The following INPP5B variants were observed in gnomAD, a reference collection of about 807,000 sequenced individuals.
INPP5B encodes the protein type II inositol 1,4,5-trisphosphate 5-phosphatase.
INPP5B carries 90 observed loss-of-function variants against 118.5 expected under a neutral mutation model. The ratio of observed to expected loss-of-function variants is 0.76; its 90% confidence interval spans 0.64 to 0.90. The LOEUF (loss-of-function observed/expected upper bound fraction) is 0.90. Ranked by LOEUF, INPP5B falls within the 40% of genes least tolerant of loss-of-function variation. The pLI, the probability that INPP5B is intolerant of heterozygous loss-of-function variation, is 0.00. For synonymous variants in INPP5B, 385 were observed against 418.9 expected (o/e 0.92, Z 0.99); for missense variants, 984 against 1,125.6 (o/e 0.87, Z 1.80).
chr1:37,945,937 C>G, intron 2 of INPP5B, 87 bp from the exon 3 acceptor site: 1 of 1,245,746 alleles, frequency 8.0e-7, no homozygotes, highest in Non-Finnish European at 1.2e-6. Context: ...TCCCCTGCCC[C>G]CCCAGATTCA....
At chr1:37,879,293 T>C (rs1643048314) in intron 15 of INPP5B, among the ~76,000 whole-genome samples, 1 of 151,360 alleles carries the variant, frequency 6.6e-6, no homozygotes, top group Non-Finnish European at 1.5e-5. Context: ...AGATGCTAGT[T>C]AAGAGAACAG....
chr1:37,940,550 A>T (rs889992882), intron 6 of INPP5B, 138 bp downstream of exon 6: 3 of 603,506 alleles, frequency 5.0e-6, no homozygotes, highest in Non-Finnish European at 9.0e-6. Context: ...GCCTGGGGGC[A>T]CTATGGCTTT....
At chr1:37,880,885 A>G (rs530112446) in intron 14 of INPP5B, among the ~76,000 whole-genome samples, 93 of 152,240 alleles carry the variant, frequency 6.1e-4, no homozygotes, top group African/African-American at 2.1e-3. Context: ...AACACCACAC[A>G]GCTATATTTA....
intron 6 of INPP5B, among the ~76,000 whole-genome samples, chr1:37,938,568 G>A (rs1645793001): frequency 6.6e-6 from 1 of 152,168 alleles, no homozygotes. Context: ...GAGAGGTGAA[G>A]TAGCTTGCCC....
At position 37,865,483 on chromosome 1, in the gene INPP5B, A is replaced by G. The variant is rs570048307; in HGVS notation, c.2514+278T>C. The stretch of plus-strand genomic sequence containing the variant: ...CTGAACCAAGCTAAGTGCAATGAGA[A>G]TGGAAGAGAGAGGATGGGTGATAGA... On this transcript the variant is annotated intron_variant, in intron 22 of 23. Transcript: ENST00000373024. Among the ~76,000 whole-genome samples the G allele has an allele frequency of 5.9e-5, 9 of 152,300 alleles. No individual in the cohort carries two copies. In the South Asian group the frequency reaches 1.9e-3, roughly 32 times the overall value.
At chr1:37,885,457 C>T (rs1643473500) in intron 13 of INPP5B, 181 bp downstream of exon 13, 2 of 525,164 alleles carry the variant, frequency 3.8e-6, no homozygotes, top group African/African-American at 1.9e-5. Flanking sequence ...AAGAGATCTG[C>T]CAGATAGCAA....
chr1:37,877,946 A>T (rs1165058865), intron 16 of INPP5B, among the ~76,000 whole-genome samples: 1 of 152,256 alleles, frequency 6.6e-6, no homozygotes, highest in Non-Finnish European at 1.5e-5. Flanking sequence ...ATAAACGCAT[A>T]GAGAAAGGTC....
At chr1:37,928,533 T>G (rs1645329477) in intron 7 of INPP5B, 1 of 152,254 alleles carries the variant, frequency 6.6e-6, no homozygotes, top group African/African-American at 2.4e-5. Context: ...TAATTTTTTT[T>G]GTATTTTTAG....
At chr1:37,878,497 G>A (rs1473126388) in intron 15 of INPP5B, 174 bp from the exon 16 acceptor site, 1 of 985,200 alleles carries the variant, frequency 1.0e-6, no homozygotes, top group East Asian at 1.1e-4. Flanking sequence ...TGTATCCTGT[G>A]GGTATCATCC....
chr1:37,941,937 C>CAAAAA (rs1212694634), intron 5 of INPP5B: 4 of 12,912 alleles, frequency 3.1e-4, no homozygotes, highest in Non-Finnish European at 5.4e-4. Context: ...GACTCCGTCT[C>CAAAAA]AAAAAAAAAA....
intron 3 of INPP5B, 120 bp downstream of exon 3, chr1:37,945,636 G>A: frequency 1.5e-6 from 1 of 676,724 alleles, no homozygotes; most frequent in South Asian, 1.9e-5. Context: ...AACTATCATT[G>A]TGATAATTAT....
Position 37,888,334 on chromosome 1 carries a change from C to T in INPP5B, c.808G>A (p.Gly270Arg). Residue 270 changes from glycine (G) to arginine (R), a missense_variant, in exon 10 of 24, where the codon GGA becomes AGA. Physicochemically the swap from Gly to Arg is moderately radical, Grantham distance 125. This residue lies in a region of INPP5B where 634 missense variants were observed against 791.0 expected (regional missense o/e 0.80). Coordinates refer to ENST00000373024, the MANE Select transcript of INPP5B (RefSeq NM_005540.3). ...GACTGCCCATTTACATTGTATGTTC[C>T]CGCAAAAAACCTGTCACCAAAGAGA... ...TYIQNFRFFA[G>R]TYNVNGQSPK... 1 of 1,531,784 alleles carries T rather than the reference C, an allele frequency of 6.5e-7. No individual in the cohort carries two copies. The highest frequency in any genetic ancestry group is 2.2e-5 in the Admixed American group (1 of 46,132). 94.9% of individuals were successfully genotyped at this position (1,531,784 alleles called of 1,614,324 possible).
chr1:37,920,735 C>T (rs376779779), intron 7 of INPP5B, among the ~76,000 whole-genome samples: 4 of 151,734 alleles, frequency 2.6e-5, no homozygotes, highest in Non-Finnish European at 4.4e-5. Flanking sequence ...GTTCTATTTT[C>T]GACTCCGCCA....
At chr1:37,934,928 A>C (rs538962807) in intron 6 of INPP5B, among the ~76,000 whole-genome samples, 35 of 151,524 alleles carry the variant, frequency 2.3e-4, no homozygotes, top group Middle Eastern at 3.4e-3. Flanking sequence ...GGCCGGGCGC[A>C]GTGGCTCACG....
At chr1:37,919,463 T>C (rs906691940) in intron 7 of INPP5B, among the ~76,000 whole-genome samples, 3 of 152,132 alleles carry the variant, frequency 2.0e-5, no homozygotes, top group Non-Finnish European at 1.5e-5. Context: ...AGCAAGATCA[T>C]GCCCTGCACA....
chr1:37,894,791 C>T (rs1246697304), intron 7 of INPP5B, among the ~76,000 whole-genome samples: 5 of 152,122 alleles, frequency 3.3e-5, no homozygotes, highest in African/African-American at 1.2e-4. Context: ...AAACTCCTGA[C>T]GTCAGGTCTC....
At chr1:37,903,441 A>T (rs1020356794) in intron 7 of INPP5B, among the ~76,000 whole-genome samples, 2 of 152,046 alleles carry the variant, frequency 1.3e-5, no homozygotes, top group African/African-American at 4.8e-5. Context: ...TAAAATAAAA[A>T]TGGGGCCGGA....
intron 19 of INPP5B, among the ~76,000 whole-genome samples, chr1:37,869,294 G>A (rs1282548772): frequency 2.0e-5 from 3 of 150,176 alleles, no homozygotes; most frequent in East Asian, 2.0e-4. Context: ...TGCCCGGCCC[G>A]ATTTTTTTTT....
intron 7 of INPP5B, among the ~76,000 whole-genome samples, chr1:37,898,494 G>A (rs1455368970): frequency 6.6e-6 from 1 of 152,130 alleles, no homozygotes; most frequent in Admixed American, 6.6e-5. Context: ...AGGAAATCGA[G>A]ACTATCCTGA....
Sources: allele counts gnomAD v4.1 joint callset (sites outside exome capture counted in the v4.1 genomes callset), GRCh38; gene constraint gnomAD v4.1.1; regional missense constraint gnomAD v4.1.1; transcripts MANE v1.5; gene names NCBI Gene and HGNC (gene_info 2026-07-23, HGNC 2026-07-21).